The following ACO1 variants were observed in gnomAD, a reference collection of about 807,000 sequenced individuals.
ACO1 encodes cytoplasmic aconitate hydratase.
In ACO1, 78 loss-of-function variants were observed where a neutral mutation model predicts 105.1. The ratio of observed to expected loss-of-function variants is 0.74; its 90% CI spans 0.62 to 0.90. The LOEUF is 0.90. Among genes scored for constraint, ACO1 ranks in the 40% least tolerant of loss-of-function variants. The pLI is 0.00. For synonymous variants in ACO1, 364 were observed against 397.4 expected, an observed-to-expected ratio of 0.92 and a Z score of 1.00; for missense variants, 965 against 1,111.1, an observed-to-expected ratio of 0.87 and a Z score of 1.87.
intron 4 of ACO1, among the ~76,000 whole-genome samples, chr9:32,412,980 G>A (rs182268114): frequency 6.6e-6 from 1 of 151,728 alleles, no homozygotes; most frequent in Non-Finnish European, 1.5e-5. Context: ...AAGAGCTCAT[G>A]GCTGTTAATG....
rs776354014 is a variant in ACO1 at position 32,418,497 on chromosome 9, G to A, written c.644G>A (p.Gly215Asp). The A allele has an allele frequency of 1.2e-6, 2 of 1,612,592 alleles. No homozygotes were observed. Among genetic ancestry groups the A allele is most frequent in the African/African-American group, 2.7e-5 (2 of 74,910 alleles). The part of the protein sequence containing the change: ...DSHTTMIDGL[G>D]ILGWGVGGIE... ...CACACTACCATGATTGATGGCTTGG[G>A]CATTCTTGGTTGGGGTGAGTGTTCT... Residue 215 changes from glycine (G) to aspartate (D), a missense_variant, in exon 6 of 21, where the codon GGC (glycine) becomes GAC (aspartate). By Grantham distance (94) the Gly-to-Asp change is moderately conservative. Coordinates refer to ENST00000309951, the MANE Select transcript of ACO1 (RefSeq NM_002197.3).
chr9:32,449,870 T>G, intron 20 of ACO1, 128 bp from the exon 21 acceptor site: 2 of 682,416 alleles, frequency 2.9e-6, no homozygotes, highest in South Asian at 1.8e-5. Context: ...CAGCCTTGCA[T>G]GTCCTCATGT....
chr9:32,420,032 C>A (rs1420216483), intron 7 of ACO1, among the ~76,000 whole-genome samples: 1 of 115,102 alleles, frequency 8.7e-6, no homozygotes, highest in Non-Finnish European at 2.1e-5. Context: ...CATAGCTTAT[C>A]ACAAATGTCT....
chr9:32,421,660 C>A (rs1156765505), intron 8 of ACO1, among the ~76,000 whole-genome samples: 1 of 152,168 alleles, frequency 6.6e-6, no homozygotes, highest in Admixed American at 6.5e-5. Flanking sequence ...ACCAGCCTGG[C>A]CAACATGGCG....
chr9:32,432,197 G>T (rs116361429), intron 15 of ACO1, among the ~76,000 whole-genome samples: 2,501 of 152,206 alleles, frequency 0.016, 62 homozygotes, highest in African/African-American at 0.058. Context: ...ACTAAGTGGA[G>T]TCCATTGGTC....
chr9:32,397,555 G>A (rs1166420267), intron 1 of ACO1, among the ~76,000 whole-genome samples: 3 of 152,136 alleles, frequency 2.0e-5, no homozygotes, highest in African/African-American at 7.2e-5. Context: ...AGACATCCTT[G>A]GAATTTTACT....
chr9:32,425,433 C>A (rs575661339), intron 10 of ACO1, among the ~76,000 whole-genome samples: 1 of 152,262 alleles, frequency 6.6e-6, no homozygotes, highest in East Asian at 1.9e-4. Context: ...TCTAAATTTC[C>A]ATAAGGTTAG....
chr9:32,392,450 C>CAGCA (rs1421861140), intron 1 of ACO1, among the ~76,000 whole-genome samples: 1 of 152,206 alleles, frequency 6.6e-6, no homozygotes, highest in Non-Finnish European at 1.5e-5. Context: ...GCACATGTCT[C>CAGCA]CAGGCTGCTG....
rs1477255805 is a variant in ACO1, at chr9:32,407,439, A to G, written c.266+10A>G. 6.2e-7 allele frequency: 1 copy of G among 1,607,840 alleles called. No homozygotes were observed. Among genetic ancestry groups the G allele is most frequent in the East Asian group, 2.2e-5 (1 of 44,718 alleles). On this transcript the variant is annotated intron_variant, in intron 3 of 20. Coordinates refer to ENST00000309951, the MANE Select transcript of ACO1 (RefSeq NM_002197.3). The stretch of plus-strand genomic sequence containing the variant: ...TCCTGCAGGACTTTACGTGAGCCTA[A>G]TGTCACTTCACTCTCCTTTGCCTCC...
chr9:32,427,116 G>A (rs1471264315), intron 11 of ACO1, among the ~76,000 whole-genome samples, 185 bp from the exon 12 acceptor site: 5 of 151,922 alleles, frequency 3.3e-5, no homozygotes, highest in African/African-American at 7.3e-5. Flanking sequence ...CTAAATGACC[G>A]TTGGCCAGGG....
At chr9:32,430,841 C>T (rs1822219317) in intron 14 of ACO1, among the ~76,000 whole-genome samples, 1 of 152,162 alleles carries the variant, frequency 6.6e-6, no homozygotes, top group Admixed American at 6.5e-5. Flanking sequence ...TGTAGTTCCT[C>T]CCTTTCTAGC....
chr9:32,434,522 A>G (rs777542375), intron 16 of ACO1, 37 bp from the exon 17 acceptor site: 1 of 1,611,828 alleles, frequency 6.2e-7, no homozygotes, highest in Non-Finnish European at 8.5e-7. Flanking sequence ...GTTTGGGAAA[A>G]CCTGGGCCAA....
intron 11 of ACO1, 110 bp from the exon 12 acceptor site, chr9:32,427,191 A>G: frequency 7.4e-7 from 1 of 1,356,952 alleles, no homozygotes; most frequent in Non-Finnish European, 1.0e-6. Flanking sequence ...GAGCGTGGTC[A>G]GGTGGTGGCA....
intron 1 of ACO1, among the ~76,000 whole-genome samples, chr9:32,395,273 T>A (rs993009346): frequency 1.2e-4 from 19 of 152,082 alleles, no homozygotes; most frequent in African/African-American, 4.6e-4. Flanking sequence ...GTCAGAAGTT[T>A]GAGACCAGCC....
intron 1 of ACO1, among the ~76,000 whole-genome samples, chr9:32,395,495 C>T (rs1821354716): frequency 6.6e-6 from 1 of 151,946 alleles, no homozygotes; most frequent in Non-Finnish European, 1.5e-5. Flanking sequence ...ACCAAAAAAC[C>T]AAAAAACTTA....
Position 32,450,418 on chromosome 9 carries a change from C to T in ACO1, c.*307C>T, listed in dbSNP as rs1315436983. 2 of 406,628 alleles carry T rather than the reference C, an allele frequency of 4.9e-6. No homozygotes were observed. The highest frequency in any genetic ancestry group is 4.1e-5 in the African/African-American group (2 of 48,714). 25.2% of individuals were successfully genotyped at this position (406,628 alleles called of 1,614,324 possible). On this transcript the variant is annotated 3_prime_UTR_variant, in exon 21 of 21. Coordinates refer to ENST00000309951, the MANE Select transcript of ACO1 (RefSeq NM_002197.3). ...CTGATCACAGGACGTTGCTTTTTCA[C>T]TGTTTCCTATTAATCTTCAGCTGAA...
At chr9:32,408,787 A>G in intron 4 of ACO1, 136 bp downstream of exon 4, 2 of 1,057,280 alleles carry the variant, frequency 1.9e-6, no homozygotes, top group Non-Finnish European at 2.6e-6. Flanking sequence ...AACTTCATAT[A>G]CATTTCGCAG....
chr9:32,442,163 G>C lies in ACO1; in HGVS notation c.2370+1576G>C, dbSNP rs117535098. Reference sequence around the variant, plus strand: ...TCTGGTTTAATTGGTAAGGAGAAAGGCCTGGACATTGGGATTTTAAAAGCC... The same window carrying C: ...TCTGGTTTAATTGGTAAGGAGAAAGCCCTGGACATTGGGATTTTAAAAGCC... On this transcript the variant is annotated intron_variant, in intron 19 of 20. Transcript: ENST00000309951. Among the ~76,000 whole-genome samples the C allele has an allele frequency of 1.4e-3, 213 of 152,060 alleles. 5 individuals carry two copies. In the East Asian group the frequency reaches 0.034, roughly 24 times the overall value.
Position 32,422,136 on chromosome 9 carries a change from A to T in ACO1, c.970+1109A>T, listed in dbSNP as rs147131617. Among the ~76,000 whole-genome samples, 499 of 152,340 alleles carry T rather than the reference A, an allele frequency of 3.3e-3. 1 individual carries two copies. The highest frequency in any genetic ancestry group is 0.01 in the Middle Eastern group (3 of 294). ...GAGGGATAGTGTGCTGGGTAGAGGG[A>T]TAAAAGCTGTGAGATGGATCTAGAG... On this transcript the variant is annotated intron_variant, in intron 8 of 20. Coordinates refer to ENST00000309951, the MANE Select transcript of ACO1 (RefSeq NM_002197.3).
Sources: allele counts gnomAD v4.1 joint callset (sites outside exome capture counted in the v4.1 genomes callset), GRCh38; gene constraint gnomAD v4.1.1; transcripts MANE v1.5; gene names NCBI Gene and HGNC (gene_info 2026-07-23, HGNC 2026-07-21).